Variants in MAGI3 observed in about 807,000 individuals in gnomAD.
MAGI3 encodes membrane associated guanylate kinase, WW and PDZ domain containing 3.
A neutral mutation model predicts 121.8 loss-of-function variants in MAGI3; 43 were observed. The observed-to-expected ratio is 0.35, with a 90% CI of 0.28 to 0.46. The LOEUF (loss-of-function observed/expected upper bound fraction) is 0.46, where lower values mean the gene tolerates loss of function less well. Ranked by LOEUF, MAGI3 falls within the 20% of genes least tolerant of loss-of-function variation. MAGI3 has a pLI of 1.00. For missense variants in MAGI3, 1,547 were observed against 1,797.3 expected (o/e 0.86, Z 2.52); for synonymous variants, 553 against 639.3 (o/e 0.86, Z 2.04).
At chr1:113,626,117 C>G (rs1463744953) in intron 9 of MAGI3, among the ~76,000 whole-genome samples, 2 of 152,162 alleles carry the variant, frequency 1.3e-5, no homozygotes, top group Non-Finnish European at 2.9e-5. Flanking sequence ...AGGCACTCAC[C>G]AGCACGCCTG....
intron 1 of MAGI3, among the ~76,000 whole-genome samples, chr1:113,445,454 A>T (rs1481300089): frequency 6.6e-6 from 1 of 152,098 alleles, no homozygotes; most frequent in African/African-American, 2.4e-5. Flanking sequence ...ATAATAATAA[A>T]AAAAATGAGT....
chr1:113,482,143 G>A (rs561644401), intron 1 of MAGI3, among the ~76,000 whole-genome samples: 1 of 152,078 alleles, frequency 6.6e-6, no homozygotes, highest in African/African-American at 2.4e-5. Context: ...CTAACTCACA[G>A]TATTCCAATT....
chr1:113,587,360 T>A (rs1165397332), intron 4 of MAGI3, among the ~76,000 whole-genome samples: 2 of 152,182 alleles, frequency 1.3e-5, no homozygotes, highest in Non-Finnish European at 2.9e-5. Flanking sequence ...CCTGCCCAGA[T>A]AATTTTTGTA....
At chr1:113,608,358 A>G (rs1305419249) in intron 6 of MAGI3, among the ~76,000 whole-genome samples, 1 of 152,224 alleles carries the variant, frequency 6.6e-6, no homozygotes, top group African/African-American at 2.4e-5. Flanking sequence ...TGAGGGGCCA[A>G]TAAATAATAA....
At chr1:113,639,375 G>T (rs116090552) in intron 9 of MAGI3, among the ~76,000 whole-genome samples, 1,807 of 152,198 alleles carry the variant, frequency 0.012, 41 homozygotes, top group African/African-American at 0.041. Context: ...CGGCCATCTC[G>T]GCTCCCACCT....
chr1:113,678,208 C>T (rs1647998960), intron 19 of MAGI3, among the ~76,000 whole-genome samples: 1 of 152,098 alleles, frequency 6.6e-6, no homozygotes, highest in African/African-American at 2.4e-5. Flanking sequence ...AAATTATAAC[C>T]TCAAACCTGT....
At chr1:113,495,997 C>G (rs1250032525) in intron 1 of MAGI3, among the ~76,000 whole-genome samples, 1 of 152,094 alleles carries the variant, frequency 6.6e-6, no homozygotes, top group African/African-American at 2.4e-5. Flanking sequence ...CCTAGTTTTT[C>G]TTTAATATGA....
intron 7 of MAGI3, among the ~76,000 whole-genome samples, chr1:113,617,141 G>A (rs1338324081): frequency 6.6e-6 from 1 of 151,978 alleles, no homozygotes; most frequent in African/African-American, 2.4e-5. Context: ...CACCCGCCTC[G>A]GCCTCCCAAA....
At chr1:113,650,529 T>G (rs935658855) in intron 13 of MAGI3, among the ~76,000 whole-genome samples, 2 of 152,220 alleles carry the variant, frequency 1.3e-5, no homozygotes, top group African/African-American at 2.4e-5. Flanking sequence ...CCGCTGAGAT[T>G]TAGAAACAAG....
intron 1 of MAGI3, among the ~76,000 whole-genome samples, chr1:113,529,542 G>A (rs973760938): frequency 6.6e-6 from 1 of 152,094 alleles, no homozygotes. Context: ...TTACACTGGG[G>A]GTTAGGTGTC....
At chr1:113,514,354 A>G (rs1222577836) in intron 1 of MAGI3, among the ~76,000 whole-genome samples, 1 of 152,202 alleles carries the variant, frequency 6.6e-6, no homozygotes, top group Non-Finnish European at 1.5e-5. Flanking sequence ...TATTCACCAT[A>G]GCAAAGACTT....
intron 19 of MAGI3, among the ~76,000 whole-genome samples, chr1:113,675,310 T>C (rs559677286): frequency 3.1e-4 from 47 of 152,204 alleles, no homozygotes; most frequent in African/African-American, 1.0e-3. Context: ...TTTCAGTGAA[T>C]AAAGGACCAG....
chr1:113,410,922 A>G (rs934048967), intron 1 of MAGI3, among the ~76,000 whole-genome samples: 3 of 152,078 alleles, frequency 2.0e-5, no homozygotes, highest in African/African-American at 7.2e-5. Flanking sequence ...GCGTCCTTTT[A>G]TTCTGTATGT....
intron 6 of MAGI3, among the ~76,000 whole-genome samples, chr1:113,610,938 AAAAT>A (rs1189664194): frequency 6.6e-6 from 1 of 152,184 alleles, no homozygotes; most frequent in East Asian, 1.9e-4. Flanking sequence ...ATCTCAAAAA[AAAAT>A]AAAAAATAAA....
At position 113,641,970 on chromosome 1, in the gene MAGI3, G is replaced by C; in HGVS notation, c.1420G>C (p.Val474Leu). Residue 474 changes from valine to leucine, a missense_variant, in exon 10 of 21, where the codon GTC (valine) becomes CTC (leucine). By Grantham distance (32) the Val-to-Leu change is conservative. Coordinates refer to ENST00000307546, the MANE Select transcript of MAGI3 (RefSeq NM_001142782.2). ...CVLGHTHADV[V>L]QMFQLVPVNQ... ...CCTCGGTCACACTCATGCAGATGTT[G>C]TCCAGATGTTTCAATTGGTACCTGT... The C allele has an allele frequency of 6.2e-7, 1 of 1,613,486 alleles. No homozygotes were observed. Among genetic ancestry groups the C allele is most frequent in the Non-Finnish European group, 8.5e-7 (1 of 1,179,484 alleles).
At chr1:113,399,717 A>T (rs927028559) in intron 1 of MAGI3, among the ~76,000 whole-genome samples, 3 of 152,186 alleles carry the variant, frequency 2.0e-5, no homozygotes, top group Non-Finnish European at 4.4e-5. Flanking sequence ...ATTAAATAAG[A>T]TTCTCTAAAA....
chr1:113,409,566 C>T (rs1381477734), intron 1 of MAGI3, among the ~76,000 whole-genome samples: 1 of 151,958 alleles, frequency 6.6e-6, no homozygotes, highest in Non-Finnish European at 1.5e-5. Context: ...TCACCTGGGC[C>T]CAGGAGGTCA....
At chr1:113,506,297 C>T (rs563603615) in intron 1 of MAGI3, among the ~76,000 whole-genome samples, 35 of 152,212 alleles carry the variant, frequency 2.3e-4, no homozygotes, top group African/African-American at 8.4e-4. Flanking sequence ...ATTAATTATG[C>T]AGAACGTTTT....
chr1:113,443,776 T>A (rs894889382), intron 1 of MAGI3, among the ~76,000 whole-genome samples: 12 of 152,246 alleles, frequency 7.9e-5, no homozygotes. Context: ...AGTGTTTATA[T>A]CATGAAAACA....
Sources: gnomAD v4.1 joint callset for allele counts (sites outside exome capture counted in the v4.1 genomes callset) on GRCh38, gnomAD v4.1.1 for gene constraint, MANE v1.5 for transcripts, NCBI Gene and HGNC (gene_info 2026-07-23, HGNC 2026-07-21) for gene names.